The following DACH1 variants were observed in gnomAD, a reference collection of about 807,000 sequenced individuals.
DACH1 encodes dachshund homolog 1.
In DACH1, 12 loss-of-function variants were observed where a neutral mutation model predicts 54.2. The ratio of observed to expected loss-of-function variants is 0.22; its 90% CI spans 0.14 to 0.36. The LOEUF (loss-of-function observed/expected upper bound fraction) is 0.36, where lower values mean the gene tolerates loss of function less well. Among genes scored for constraint, DACH1 ranks in the 10% least tolerant of loss-of-function variants. DACH1 has a pLI of 1.00. For missense variants in DACH1, 805 were observed against 929.8 expected (o/e 0.87, Z 1.75); for synonymous variants, 386 against 366.2 (o/e 1.05, Z -0.62).
chr13:71,606,852 C>CT (rs1451930701), intron 3 of DACH1, among the ~76,000 whole-genome samples: 1 of 152,004 alleles, frequency 6.6e-6, no homozygotes, highest in African/African-American at 2.4e-5. Context: ...ATCAATTCTG[C>CT]TGCACTGTAA....
At chr13:71,607,865 A>G (rs1874992449) in intron 3 of DACH1, among the ~76,000 whole-genome samples, 2 of 152,056 alleles carry the variant, frequency 1.3e-5, no homozygotes, top group Admixed American at 6.6e-5. Context: ...CATAAAAAAT[A>G]AAAGTTTTTA....
chr13:71,746,989 TGTA>T (rs1325454427), intron 1 of DACH1, among the ~76,000 whole-genome samples: 1 of 152,166 alleles, frequency 6.6e-6, no homozygotes, highest in Non-Finnish European at 1.5e-5. Context: ...CACATAATCT[TGTA>T]GTAACACATA....
chr13:71,852,892 A>G (rs1015030630), intron 1 of DACH1, among the ~76,000 whole-genome samples: 1 of 152,158 alleles, frequency 6.6e-6, no homozygotes, highest in Non-Finnish European at 1.5e-5. Context: ...TGGAACATCT[A>G]TTCAGCATAT....
intron 1 of DACH1, among the ~76,000 whole-genome samples, chr13:71,811,631 T>C (rs1297028889): frequency 6.6e-6 from 1 of 152,172 alleles, no homozygotes; most frequent in Admixed American, 6.5e-5. Context: ...ATACTTAGGC[T>C]TTGGGTTCCT....
intron 6 of DACH1, among the ~76,000 whole-genome samples, chr13:71,525,395 C>T (rs1330250791): frequency 6.6e-6 from 1 of 151,932 alleles, no homozygotes; most frequent in East Asian, 1.9e-4. Context: ...ATTCTTTAAC[C>T]AACTAATGGA....
At chr13:71,784,323 T>C (rs1177565684) in intron 1 of DACH1, among the ~76,000 whole-genome samples, 5 of 151,932 alleles carry the variant, frequency 3.3e-5, no homozygotes, top group Non-Finnish European at 7.4e-5. Flanking sequence ...TCACAGAAAA[T>C]GGGTAAATAA....
intron 6 of DACH1, among the ~76,000 whole-genome samples, chr13:71,531,648 TA>T (rs905880260): frequency 2.0e-5 from 3 of 151,950 alleles, no homozygotes; most frequent in Non-Finnish European, 4.4e-5. Flanking sequence ...AAGGAATAGA[TA>T]AAAAAATCAG....
chr13:71,659,065 T>C (rs1196445729), intron 2 of DACH1, among the ~76,000 whole-genome samples: 1 of 152,142 alleles, frequency 6.6e-6, no homozygotes, highest in Non-Finnish European at 1.5e-5. Flanking sequence ...TTTAGAACCA[T>C]ACTAGAAGTC....
At chr13:71,598,387 T>C (rs1874262152) in intron 3 of DACH1, among the ~76,000 whole-genome samples, 1 of 152,022 alleles carries the variant, frequency 6.6e-6, no homozygotes, top group African/African-American at 2.4e-5. Flanking sequence ...CCTGAGTAGC[T>C]GGGATTACAG....
At chr13:71,824,729 C>A (rs1305446025) in intron 1 of DACH1, among the ~76,000 whole-genome samples, 1 of 152,004 alleles carries the variant, frequency 6.6e-6, no homozygotes, top group Admixed American at 6.6e-5. Context: ...GAGTTATTCT[C>A]ACTCCTTACT....
intron 10 of DACH1, among the ~76,000 whole-genome samples, chr13:71,445,058 A>G (rs559511637): frequency 1.3e-5 from 2 of 152,254 alleles, no homozygotes; most frequent in East Asian, 1.9e-4. Flanking sequence ...GAAGTCATAT[A>G]AAGTGAGCCT....
intron 1 of DACH1, among the ~76,000 whole-genome samples, chr13:71,708,755 C>A (rs1383065259): frequency 1.3e-5 from 2 of 151,894 alleles, no homozygotes; most frequent in Non-Finnish European, 2.9e-5. Context: ...TTGTTACCAA[C>A]TTTTCTACAT....
At chr13:71,566,428 T>C (rs978058587) in intron 4 of DACH1, among the ~76,000 whole-genome samples, 7 of 152,170 alleles carry the variant, frequency 4.6e-5, no homozygotes, top group African/African-American at 1.2e-4. Context: ...TGTAATTTCC[T>C]ACACACTTAT....
intron 2 of DACH1, among the ~76,000 whole-genome samples, chr13:71,649,800 G>A (rs1878548789): frequency 1.3e-5 from 2 of 152,118 alleles, no homozygotes; most frequent in African/African-American, 4.8e-5. Flanking sequence ...AAATCACACT[G>A]AAAAAGAGAT....
At chr13:71,554,417 G>T (rs1884106096) in intron 6 of DACH1, among the ~76,000 whole-genome samples, 1 of 152,000 alleles carries the variant, frequency 6.6e-6, no homozygotes, top group Non-Finnish European at 1.5e-5. Context: ...GAAACTGTCG[G>T]GCTATGGTCA....
intron 1 of DACH1, among the ~76,000 whole-genome samples, chr13:71,738,993 C>A (rs1056573848): frequency 1.3e-5 from 2 of 152,000 alleles, no homozygotes; most frequent in African/African-American, 4.8e-5. Context: ...TGGCTTACTC[C>A]TGTAATCCCA....
chr13:71,828,253 A>C (rs1666253680), intron 1 of DACH1, among the ~76,000 whole-genome samples: 1 of 151,978 alleles, frequency 6.6e-6, no homozygotes, highest in African/African-American at 2.4e-5. Context: ...TTGAACTCTG[A>C]GGATCAGGAA....
chr13:71,530,168 G>T (rs889970331), intron 6 of DACH1, among the ~76,000 whole-genome samples: 1 of 152,066 alleles, frequency 6.6e-6, no homozygotes, highest in Admixed American at 6.6e-5. Flanking sequence ...AATGCTTTGT[G>T]GACATATATG....
At chr13:71,839,065 G>A (rs371225095) in intron 1 of DACH1, among the ~76,000 whole-genome samples, 5 of 152,142 alleles carry the variant, frequency 3.3e-5, no homozygotes, top group African/African-American at 1.2e-4. Context: ...AGCACAGAAA[G>A]ACTTGCTCTC....
Sources: allele counts gnomAD v4.1 joint callset (sites outside exome capture counted in the v4.1 genomes callset), GRCh38; gene constraint gnomAD v4.1.1; transcripts MANE v1.5; gene names NCBI Gene and HGNC (gene_info 2026-07-23, HGNC 2026-07-21).